Variants in PPP2CB observed in about 807,000 individuals in gnomAD.
PPP2CB encodes the protein serine/threonine-protein phosphatase 2A catalytic subunit beta isoform.
PPP2CB carries 18 observed loss-of-function variants against 39.1 expected under a neutral mutation model. That is an observed-to-expected ratio of 0.46 (90% CI 0.32 to 0.68). PPP2CB has a LOEUF of 0.68. PPP2CB is among the 30% of genes least tolerant of loss of function. The pLI, the probability that PPP2CB is intolerant of heterozygous loss-of-function variation, is 0.04. For synonymous variants in PPP2CB, 129 were observed against 133.8 expected (o/e 0.96, Z 0.25); for missense variants, 226 against 396.9 (o/e 0.57, Z 3.66).
intron 1 of PPP2CB, among the ~76,000 whole-genome samples, chr8:30,811,871 T>C (rs1047758820): frequency 1.4e-4 from 21 of 152,212 alleles, no homozygotes; most frequent in African/African-American, 4.8e-4. Flanking sequence ...AGTTCATTAA[T>C]ACGCACGACA....
At chr8:30,795,153 G>A (rs945433841) in intron 3 of PPP2CB, among the ~76,000 whole-genome samples, 13 of 133,444 alleles carry the variant, frequency 9.7e-5, no homozygotes, top group African/African-American at 3.1e-4. Context: ...ACGGAGTTTC[G>A]CTCTTGTTGC....
intron 3 of PPP2CB, among the ~76,000 whole-genome samples, chr8:30,795,173 TG>T (rs1156426957): frequency 1.3e-5 from 2 of 148,538 alleles, no homozygotes; most frequent in African/African-American, 5.0e-5. Context: ...CCCAGTGCAA[TG>T]GCGTGATCTC....
rs572396650 is a variant in PPP2CB, at chr8:30,787,323, T to C, written c.858-1016A>G. Among the ~76,000 whole-genome samples, 167 of 152,282 alleles carry C rather than the reference T, an allele frequency of 1.1e-3. 1 individual carries two copies. The highest frequency in any genetic ancestry group is 6.8e-3 in the Middle Eastern group (2 of 292). On this transcript the variant is annotated intron_variant, in intron 6 of 6. Coordinates refer to ENST00000221138, the MANE Select transcript of PPP2CB (RefSeq NM_001009552.2). The stretch of plus-strand genomic sequence containing the variant: ...CTCCTCTTCTGTTTTTTGGAAGTGT[T>C]TGTGAAGGATTGGCATTAACTCGTT...
At chr8:30,809,558 T>C (rs1421349520) in intron 1 of PPP2CB, among the ~76,000 whole-genome samples, 3 of 152,048 alleles carry the variant, frequency 2.0e-5, no homozygotes, top group East Asian at 3.9e-4. Flanking sequence ...TTCCAACCCA[T>C]TGGCAACTCC....
In PPP2CB at chr8:30,812,499, G is replaced by A. The variant is rs1458294968; in HGVS notation, c.-78C>T. ...CCCCTCCCCACCCGCCCCCGGCCCC[G>A]GCCCGGGCGCCGCTCCCCTCTCCCT... On this transcript the variant is annotated 5_prime_UTR_variant, in exon 1 of 7. Transcript: ENST00000221138. 5 of 883,046 alleles carry A rather than the reference G, an allele frequency of 5.7e-6. No homozygotes were observed. The highest frequency in any genetic ancestry group is 3.9e-5 in the African/African-American group (1 of 25,368). 54.7% of individuals were successfully genotyped at this position (883,046 alleles called of 1,614,324 possible).
In PPP2CB at chr8:30,794,003, A is replaced by T; in HGVS notation, c.652T>A (p.Tyr218Asn). The T allele has an allele frequency of 6.2e-7, 1 of 1,613,640 alleles. No homozygotes were observed. Among genetic ancestry groups the T allele is most frequent in the Non-Finnish European group, 8.5e-7 (1 of 1,179,776 alleles). The change falls in exon 5 of 7, where the codon TAC becomes AAC. Residue 218 changes from tyrosine to asparagine, a missense_variant. Coordinates refer to ENST00000221138, the MANE Select transcript of PPP2CB (RefSeq NM_001009552.2). Reference sequence around the variant, plus strand: ...TCAGAAATGTCTTGTCCAAATGTGTAGCCAGCACCACGTGGTGAAATACCC... The same window carrying T: ...TCAGAAATGTCTTGTCCAAATGTGTTGCCAGCACCACGTGGTGAAATACCC... ...GWGISPRGAG[Y>N]TFGQDISETF...
intron 3 of PPP2CB, among the ~76,000 whole-genome samples, chr8:30,796,383 ATTTAT>A (rs981016989): frequency 1.3e-5 from 2 of 152,092 alleles, no homozygotes; most frequent in South Asian, 4.1e-4. Flanking sequence ...TTTTATATTT[ATTTAT>A]TTTATTTTTT....
chr8:30,804,283 C>CTA (rs1340022760), intron 1 of PPP2CB, among the ~76,000 whole-genome samples: 2 of 152,160 alleles, frequency 1.3e-5, no homozygotes, highest in Non-Finnish European at 2.9e-5. Context: ...TCAGAATTTG[C>CTA]TATGGAATAA....
intron 2 of PPP2CB, among the ~76,000 whole-genome samples, chr8:30,798,300 C>T (rs1383856515): frequency 6.6e-6 from 1 of 152,102 alleles, no homozygotes; most frequent in Non-Finnish European, 1.5e-5. Context: ...AAAACATAAG[C>T]GACTATTTAG....
rs139426941 is a variant in PPP2CB, at chr8:30,799,712, C to T, written c.146G>A (p.Arg49His). 7.2e-5 allele frequency: 117 copies of T among 1,613,918 alleles called. 1 individual carries two copies. In the East Asian group the frequency reaches 2.4e-3, roughly 33 times the overall value. Residue 49 changes from arginine (R) to histidine (H), a missense_variant, in exon 2 of 7, where the codon CGT becomes CAT. Around this residue, in one of 4 missense-constraint regions of PPP2CB, gnomAD observed 110 missense variants for 244.1 expected, o/e 0.45. Coordinates refer to ENST00000221138, the MANE Select transcript of PPP2CB (RefSeq NM_001009552.2). ...ATCTCCACAGACAGTAACAGGGCAA[C>T]GAACCTCTTGCACATTTGATTCTTT... ...LTKESNVQEV[R>H]CPVTVCGDVH...
chr8:30,806,308 C>A (rs902480347), intron 1 of PPP2CB, among the ~76,000 whole-genome samples: 4 of 152,084 alleles, frequency 2.6e-5, no homozygotes, highest in Admixed American at 2.0e-4. Flanking sequence ...CCTGCCTTGG[C>A]CTCCCAAAGT....
chr8:30,806,361 T>C (rs1409643370), intron 1 of PPP2CB, among the ~76,000 whole-genome samples: 1 of 152,010 alleles, frequency 6.6e-6, no homozygotes, highest in Non-Finnish European at 1.5e-5. Context: ...GCCGTTAATA[T>C]GATTATTAAT....
intron 5 of PPP2CB, chr8:30,793,677 C>T (rs1186576849): frequency 2.6e-6 from 1 of 378,114 alleles, no homozygotes; most frequent in African/African-American, 2.1e-5. Flanking sequence ...CTGAATGAAG[C>T]ATACAGGGAA....
intron 3 of PPP2CB, among the ~76,000 whole-genome samples, chr8:30,796,667 G>A (rs1806531716): frequency 6.6e-6 from 1 of 152,120 alleles, no homozygotes; most frequent in Non-Finnish European, 1.5e-5. Flanking sequence ...GGGATTACAG[G>A]TAGGAGCCAA....
At chr8:30,786,373 AACAAG>A (rs2128759767) in intron 6 of PPP2CB, 66 bp from the exon 7 acceptor site, 1 of 1,311,266 alleles carries the variant, frequency 7.6e-7, no homozygotes, top group East Asian at 2.5e-5. Context: ...ATGAATAAAG[AACAAG>A]ACACTGTAGT....
chr8:30,785,966 G>A lies in PPP2CB; in HGVS notation c.*269C>T, dbSNP rs532580927. The A allele has an allele frequency of 3.4e-6, 2 of 585,958 alleles. No individual in the cohort carries two copies. The highest frequency in any genetic ancestry group is 3.7e-5 in the African/African-American group (2 of 54,228). 36.3% of individuals were successfully genotyped at this position (585,958 alleles called of 1,614,324 possible). A position where few individuals can be genotyped will look rare whatever the true frequency, so the allele number is the denominator to read the frequency against. On this transcript the variant is annotated 3_prime_UTR_variant, in exon 7 of 7. Coordinates refer to ENST00000221138, the MANE Select transcript of PPP2CB (RefSeq NM_001009552.2). ...AAGCAGTTAGTTACCTTTTTTGCTT[G>A]AACAGTCCAAAGGAAAATGGTTACT...
chr8:30,796,356 T>C (rs970728577), intron 3 of PPP2CB, among the ~76,000 whole-genome samples: 5 of 152,134 alleles, frequency 3.3e-5, no homozygotes, highest in Non-Finnish European at 5.9e-5. Flanking sequence ...TTAAGAATTA[T>C]GGAGTTTTAT....
At chr8:30,807,234 A>C (rs954140302) in intron 1 of PPP2CB, among the ~76,000 whole-genome samples, 1 of 152,210 alleles carries the variant, frequency 6.6e-6, no homozygotes, top group East Asian at 1.9e-4. Context: ...TTAAAAATGG[A>C]AGTACCAGTT....
intron 6 of PPP2CB, among the ~76,000 whole-genome samples, chr8:30,786,786 C>A (rs1200518968): frequency 6.6e-6 from 1 of 151,202 alleles, no homozygotes. Flanking sequence ...GCCTCAGCCT[C>A]CTGAGTAGCT....
Sources: allele counts gnomAD v4.1 joint callset (sites outside exome capture counted in the v4.1 genomes callset), GRCh38; gene constraint gnomAD v4.1.1; regional missense constraint gnomAD v4.1.1; transcripts MANE v1.5; gene names NCBI Gene and HGNC (gene_info 2026-07-23, HGNC 2026-07-21).